Variants in CCDC88B observed in about 807,000 individuals in gnomAD.
CCDC88B encodes the protein coiled-coil domain-containing protein 88B.
A neutral mutation model predicts 183.7 loss-of-function variants in CCDC88B; 138 were observed. The ratio of observed to expected loss-of-function variants is 0.75; its 90% CI spans 0.65 to 0.87. CCDC88B has a LOEUF of 0.87. CCDC88B is among the 40% of genes least tolerant of loss of function. The pLI is 0.00. For synonymous variants in CCDC88B, 835 were observed against 867.5 expected (o/e 0.96, Z 0.66); for missense variants, 1,822 against 1,965.6 (o/e 0.93, Z 1.38).
At position 64,351,480 on chromosome 11, in the gene CCDC88B, C is replaced by T. The variant is rs761381854; in HGVS notation, c.2963C>T (p.Ala988Val). The T allele has an allele frequency of 2.1e-5, 33 of 1,586,726 alleles. No homozygotes were observed. The highest frequency in any genetic ancestry group is 1.7e-4 in the African/African-American group (13 of 74,622). ...CTAACCCCCACTTCTGGGCAGAATG[C>T]GATGCTGGTGGCAGAGAAGGCAGCT... ...VRLIEVERSN[A>V]MLVAEKAALQ... Residue 988 changes from alanine (A) to valine (V), a missense_variant, in exon 18 of 27, where the codon GCG becomes GTG. Ala to Val is a moderately conservative substitution (Grantham distance 64). Coordinates refer to ENST00000356786, the MANE Select transcript of CCDC88B (RefSeq NM_032251.6).
chr11:64,357,136 A>C lies in CCDC88B; in HGVS notation c.*42A>C. The C allele has an allele frequency of 1.2e-6, 2 of 1,611,616 alleles. No individual in the cohort carries two copies. The highest frequency in any genetic ancestry group is 1.7e-6 in the Non-Finnish European group (2 of 1,177,950). On this transcript the variant is annotated 3_prime_UTR_variant, in exon 27 of 27. Transcript: ENST00000356786. ...GGCTTGGGAGTGCAGCCTTCTCGGC[A>C]CTGGAGTGTCAGCGGAGGCCCCAGG...
intron 24 of CCDC88B, among the ~76,000 whole-genome samples, chr11:64,354,679 G>T (rs1421529170): frequency 1.8e-5 from 1 of 56,414 alleles, no homozygotes; most frequent in Admixed American, 2.2e-4. Context: ...CCCCCTCCCT[G>T]CATGAGCCTC....
Position 64,352,214 on chromosome 11 carries a change from C to A in CCDC88B, c.3184C>A (p.Gln1062Lys), listed in dbSNP as rs2036362007. The change falls in exon 19 of 27, where the codon CAG becomes AAG. Residue 1062 changes from glutamine to lysine, a missense_variant. By Grantham distance (53) the Gln-to-Lys change is moderately conservative (BLOSUM62 1). Coordinates refer to ENST00000356786, the MANE Select transcript of CCDC88B (RefSeq NM_032251.6). The part of the protein sequence containing the change: ...VLEEEVRAAR[Q>K]SQEETRGQQQ... ...GGAGGAGGAGGTGCGGGCGGCACGG[C>A]AGTCCCAGGAGGAGACCCGCGGGCA... The A allele has an allele frequency of 1.9e-6, 3 of 1,607,824 alleles. No homozygotes were observed. Among genetic ancestry groups the A allele is most frequent in the Non-Finnish European group, 1.7e-6 (2 of 1,176,722 alleles).
chr11:64,340,796 A>G (rs1223623888), intron 2 of CCDC88B, 44 bp downstream of exon 2: 1 of 1,564,930 alleles, frequency 6.4e-7, no homozygotes, highest in Non-Finnish European at 8.6e-7. Flanking sequence ...AGGATCTGAG[A>G]GGAGGGGAAG....
rs1591281846 is a variant in CCDC88B, at chr11:64,344,335, C to T, written c.1794C>T (p.Leu598=). The T allele has an allele frequency of 1.2e-6, 2 of 1,608,766 alleles. No individual in the cohort carries two copies. Among genetic ancestry groups the T allele is most frequent in the Admixed American group, 3.4e-5 (2 of 58,524 alleles). The change falls in exon 14 of 27, where the codon CTC becomes CTT. Residue 598 remains leucine (L), a synonymous_variant. Coordinates refer to ENST00000356786, the MANE Select transcript of CCDC88B (RefSeq NM_032251.6). The surrounding 1 kb of genome is among the most constrained non-coding windows in gnomAD (Gnocchi z 4.5). ...SPEKAGRRSS[L]QSPASVAPPQ... ...AGAAGGCTGGCCGTAGATCCTCTCT[C>T]CAGAGCCCTGCCTCTGTGGCCCCAC...
At chr11:64,342,852 G>A in intron 10 of CCDC88B, 172 bp downstream of exon 10, 1 of 672,916 alleles carries the variant, frequency 1.5e-6, no homozygotes, top group Non-Finnish European at 2.3e-6. Flanking sequence ...AGGGCCTCCA[G>A]AGGATGGGGC....
intron 18 of CCDC88B, 136 bp downstream of exon 18, chr11:64,351,752 C>T (rs2036342201): frequency 6.8e-6 from 8 of 1,179,796 alleles, no homozygotes; most frequent in African/African-American, 3.1e-5. Flanking sequence ...TTATCCTTGT[C>T]CTCTGACCCC....
chr11:64,351,815 A>G (rs1237117149), intron 18 of CCDC88B, among the ~76,000 whole-genome samples, 199 bp downstream of exon 18: 1 of 151,548 alleles, frequency 6.6e-6, no homozygotes, highest in Admixed American at 6.6e-5. Context: ...ACCTGCCGCC[A>G]GCCCCCACAT....
rs553078486 is a variant in CCDC88B, at chr11:64,351,411, G to A, written c.2959-65G>A. ...GGTGCCCCATGCAGTGTGAGTGTGG[G>A]CCTGTGGTAGGCACTAGGGGGTGCC... On this transcript the variant is annotated intron_variant, in intron 17 of 26. Transcript: ENST00000356786. 6 of 1,544,914 alleles carry A rather than the reference G, an allele frequency of 3.9e-6. No individual in the cohort carries two copies. In the South Asian group the frequency reaches 4.7e-5, roughly 12 times the overall value.
Position 64,345,137 on chromosome 11 carries a change from G to C in CCDC88B, c.2596G>C (p.Glu866Gln). Reference protein sequence around the residue: ...HLEEAERERREKEALQAELEK... With the variant: ...HLEEAERERRQKEALQAELEK... Reference sequence around the variant, plus strand: ...GGAGGAGGCTGAGAGGGAGCGCCGGGAGAAGGAGGCCCTCCAGGCGGTAGG... The same window carrying C: ...GGAGGAGGCTGAGAGGGAGCGCCGGCAGAAGGAGGCCCTCCAGGCGGTAGG... Residue 866 changes from glutamate (E) to glutamine (Q), a missense_variant, in exon 14 of 27, where the codon GAG becomes CAG. Transcript: ENST00000356786. The C allele has an allele frequency of 6.5e-7, 1 of 1,545,292 alleles. No individual in the cohort carries two copies. Among genetic ancestry groups the C allele is most frequent in the Non-Finnish European group, 8.7e-7 (1 of 1,150,722 alleles).
chr11:64,340,470 G>T, intron 1 of CCDC88B, 137 bp from the exon 2 acceptor site: 1 of 1,405,628 alleles, frequency 7.1e-7, no homozygotes, highest in Non-Finnish European at 9.5e-7. Flanking sequence ...GATATGGTGT[G>T]GGGGGCTGTG....
Position 64,351,610 on chromosome 11 carries a change from C to A in CCDC88B, c.3093C>A (p.Arg1031=), listed in dbSNP as rs1332211926. 3 of 1,563,044 alleles carry A rather than the reference C, an allele frequency of 1.9e-6. No homozygotes were observed. The highest frequency in any genetic ancestry group is 2.6e-6 in the Non-Finnish European group (3 of 1,162,460). ...QSQRAQEHSS[R]LQAEKSVLEI... Reference sequence around the variant, plus strand: ...AGCGGGCGCAGGAGCACAGCAGCCGCCTGCAGGTGGGTGGTGGCCCGGGTG... The same window carrying A: ...AGCGGGCGCAGGAGCACAGCAGCCGACTGCAGGTGGGTGGTGGCCCGGGTG... The change falls in exon 18 of 27, where the codon CGC becomes CGA. Residue 1031 remains arginine, a synonymous_variant. Transcript: ENST00000356786.
chr11:64,350,851 C>T (rs1344937354), intron 16 of CCDC88B, among the ~76,000 whole-genome samples: 1 of 152,218 alleles, frequency 6.6e-6, no homozygotes, highest in Non-Finnish European at 1.5e-5. Context: ...GGCTGGGTGG[C>T]AGAGTGAGAC....
intron 26 of CCDC88B, 80 bp downstream of exon 26, chr11:64,355,708 C>A: frequency 7.5e-7 from 1 of 1,337,460 alleles, no homozygotes; most frequent in South Asian, 1.4e-5. Context: ...TCCATTCTTT[C>A]ATTCGACAAT....
At chr11:64,355,657 A>G in intron 26 of CCDC88B, 29 bp downstream of exon 26, 1 of 1,580,226 alleles carries the variant, frequency 6.3e-7, no homozygotes, top group Non-Finnish European at 8.6e-7. Context: ...AAGGAGTAGT[A>G]TTCTTTGTCC....
At chr11:64,351,700 C>G (rs893805484) in intron 18 of CCDC88B, 84 bp downstream of exon 18, 34 of 1,411,496 alleles carry the variant, frequency 2.4e-5, no homozygotes, top group Non-Finnish European at 6.5e-6. Context: ...CTTTTTCTAT[C>G]CCAGCTCCCA....
chr11:64,341,579 C>G lies in CCDC88B; in HGVS notation c.532-20C>G. 6.2e-7 allele frequency: 1 copy of G among 1,604,568 alleles called. No individual in the cohort carries two copies. The highest frequency in any genetic ancestry group is 1.7e-4 in the Middle Eastern group (1 of 6,010). On this transcript the variant is annotated intron_variant, in intron 6 of 26. Coordinates refer to ENST00000356786, the MANE Select transcript of CCDC88B (RefSeq NM_032251.6). The stretch of plus-strand genomic sequence containing the variant: ...TTGCCACACCGCGGCTTCCACTGAA[C>G]TGCTCTTCCTGCGCCCCAGGTGACC...
At position 64,344,767 on chromosome 11, in the gene CCDC88B, G is replaced by A; in HGVS notation, c.2226G>A (p.Glu742=). ...EEVAQLRRKA[E]ALGDELEAQA... Reference sequence around the variant, plus strand: ...TGGCACAGTTGAGGAGAAAGGCTGAGGCCCTTGGAGATGAGCTGGAAGCCC... The same window carrying A: ...TGGCACAGTTGAGGAGAAAGGCTGAAGCCCTTGGAGATGAGCTGGAAGCCC... The change falls in exon 14 of 27, where the codon GAG becomes GAA. Residue 742 remains glutamate (E), a synonymous_variant. Coordinates refer to ENST00000356786, the MANE Select transcript of CCDC88B (RefSeq NM_032251.6). The surrounding 1 kb of genome is among the most constrained non-coding windows in gnomAD (Gnocchi z 4.5). 7.4e-6 allele frequency: 12 copies of A among 1,613,996 alleles called. No homozygotes were observed. The highest frequency in any genetic ancestry group is 1.0e-5 in the Non-Finnish European group (12 of 1,180,012).
At chr11:64,347,488 C>T (rs536762199) in intron 14 of CCDC88B, among the ~76,000 whole-genome samples, 106 of 152,178 alleles carry the variant, frequency 7.0e-4, no homozygotes, top group Non-Finnish European at 1.2e-3. Context: ...GAGTAATTTG[C>T]TCAGAGACCC....
Sources: gnomAD v4.1 joint callset for allele counts (sites outside exome capture counted in the v4.1 genomes callset) on GRCh38, gnomAD v4.1.1 for gene constraint, Gnocchi (gnomAD v3.1) non-coding constraint, MANE v1.5 for transcripts, NCBI Gene and HGNC (gene_info 2026-07-23, HGNC 2026-07-21) for gene names.